The following CD226 variants were observed in gnomAD, a reference collection of about 807,000 sequenced individuals.
CD226 encodes the protein CD226 molecule, also known as CD226 antigen.
Under a neutral mutation model 34.9 loss-of-function variants are expected in CD226, and 24 were observed. The observed-to-expected ratio is 0.69, with a 90% CI of 0.50 to 0.97. CD226 has a LOEUF of 0.97. Ranked by LOEUF, CD226 falls within the 50% of genes least tolerant of loss-of-function variation. The pLI, the probability that CD226 is intolerant of heterozygous loss-of-function variation, is 0.00. For synonymous variants in CD226, 148 were observed against 147.4 expected, an observed-to-expected ratio of 1.00 and a Z score of -0.03; for missense variants, 397 against 412.7, an observed-to-expected ratio of 0.96 and a Z score of 0.33.
intron 2 of CD226, among the ~76,000 whole-genome samples, chr18:69,920,370 G>T (rs1035912012): frequency 3.3e-5 from 5 of 152,048 alleles, no homozygotes; most frequent in Non-Finnish European, 7.4e-5. Context: ...ATCCCCTACT[G>T]CCTTGAAATG....
rs552185917 is a variant in CD226 at position 69,894,962 on chromosome 18, G to C, written c.727+739C>G. 3.6e-4 allele frequency among the ~76,000 whole-genome samples: 55 copies of C among 152,188 alleles called. 2 individuals are homozygous for C. The South Asian group carries it at 0.011, about 30-fold the overall frequency. The stretch of plus-strand genomic sequence containing the variant: ...AAGACAAATGCCTAATATACAAATA[G>C]TGTGGTGCCTTGGAGGAGGCCTTGG... On this transcript the variant is annotated intron_variant, in intron 3 of 5. Transcript: ENST00000582621.
At chr18:69,916,669 C>T (rs557204756) in intron 2 of CD226, among the ~76,000 whole-genome samples, 2 of 152,282 alleles carry the variant, frequency 1.3e-5, no homozygotes, top group East Asian at 3.9e-4. Flanking sequence ...ACTAAATACA[C>T]GGTTCATCCA....
upstream of CD226, among the ~76,000 whole-genome samples, chr18:69,960,203 G>T (rs2055923166): frequency 6.7e-6 from 1 of 150,104 alleles, no homozygotes; most frequent in Non-Finnish European, 1.5e-5. Context: ...TTGTGCCACT[G>T]CACTCCAACC....
intron 3 of CD226, among the ~76,000 whole-genome samples, chr18:69,894,760 G>A (rs889276423): frequency 1.3e-5 from 2 of 151,816 alleles, no homozygotes; most frequent in African/African-American, 4.8e-5. Context: ...GGGAGAGCCT[G>A]GGATGGCCTT....
chr18:69,866,772 G>A (rs1983172908), intron 5 of CD226, among the ~76,000 whole-genome samples: 1 of 152,124 alleles, frequency 6.6e-6, no homozygotes, highest in African/African-American at 2.4e-5. Context: ...ACGCTGTGCT[G>A]GAGAGGGGTG....
chr18:69,872,902 G>A (rs1009006362), intron 4 of CD226, among the ~76,000 whole-genome samples: 2 of 152,136 alleles, frequency 1.3e-5, no homozygotes, highest in Admixed American at 1.3e-4. Flanking sequence ...GACAGGGCAG[G>A]ATAAAGAGCA....
At chr18:69,886,698 C>A (rs1984576785) in intron 3 of CD226, among the ~76,000 whole-genome samples, 1 of 147,114 alleles carries the variant, frequency 6.8e-6, no homozygotes, top group African/African-American at 2.6e-5. Context: ...AGAGTGAGAA[C>A]CTGTCTCAAA....
At chr18:69,946,159 GGT>G (rs1330427478) in intron 2 of CD226, among the ~76,000 whole-genome samples, 18 of 106,900 alleles carry the variant, frequency 1.7e-4, no homozygotes, top group Non-Finnish European at 3.1e-4. Context: ...ACTCCAGCCT[GGT>G]GACAGAGCAA....
intron 3 of CD226, among the ~76,000 whole-genome samples, chr18:69,884,762 T>C (rs775349022): frequency 2.0e-5 from 3 of 152,212 alleles, no homozygotes; most frequent in Non-Finnish European, 2.9e-5. Flanking sequence ...CAATTACCAG[T>C]TGAATCTAGG....
chr18:69,855,540 G>A lies in CD226; in HGVS notation c.*8774C>T, dbSNP rs1982586548. ...AGAAGAAAGAATGGAGCAAAAGAAT[G>A]TTAGAAGTAATAACGTCTGGGAACT... is the stretch of plus-strand genomic sequence containing the variant. On this transcript the variant is annotated 3_prime_UTR_variant, in exon 6 of 6. Transcript: ENST00000582621. 6.6e-6 allele frequency: 1 copy of A among 152,082 alleles called. No individual in the cohort carries two copies. The highest frequency in any genetic ancestry group is 2.4e-5 in the African/African-American group (1 of 41,422). 9.4% of individuals were successfully genotyped at this position (152,082 alleles called of 1,614,324 possible).
At chr18:69,910,684 C>T (rs773920575) in intron 2 of CD226, among the ~76,000 whole-genome samples, 6 of 152,146 alleles carry the variant, frequency 3.9e-5, no homozygotes, top group Non-Finnish European at 5.9e-5. Context: ...ATACTAGTTT[C>T]AGTTTCTTTG....
chr18:69,961,522 G>A (rs1243571806), upstream of CD226: 8 of 152,144 alleles, frequency 5.3e-5, no homozygotes, highest in Non-Finnish European at 1.0e-4. Flanking sequence ...ATATCCCCAT[G>A]AAAGTAAGCA....
chr18:69,923,447 C>T (rs1466133838), intron 2 of CD226, among the ~76,000 whole-genome samples: 1 of 152,068 alleles, frequency 6.6e-6, no homozygotes, highest in East Asian at 1.9e-4. Context: ...CCTGCCTTAC[C>T]CCATCAGCTC....
At chr18:69,956,372 C>T (rs2055897396) in intron 1 of CD226, among the ~76,000 whole-genome samples, 1 of 152,108 alleles carries the variant, frequency 6.6e-6, no homozygotes, top group African/African-American at 2.4e-5. Context: ...GGATCATGGA[C>T]ATTTATTATT....
rs1982639342 is a variant in CD226 at position 69,857,246 on chromosome 18, A to G, written c.*7068T>C. 6.6e-6 allele frequency: 1 copy of G among 152,244 alleles called. No homozygotes were observed. Among genetic ancestry groups the G allele is most frequent in the Admixed American group, 6.5e-5 (1 of 15,286 alleles). 9.4% of individuals were successfully genotyped at this position (152,244 alleles called of 1,614,324 possible). A position where few individuals can be genotyped will look rare whatever the true frequency, so the allele number is the denominator to read the frequency against. On this transcript the variant is annotated 3_prime_UTR_variant, in exon 6 of 6. Coordinates refer to ENST00000582621, the MANE Select transcript of CD226 (RefSeq NM_001303618.2). ...AAAATTACAGAAAGGTTAGAAGAGT[A>G]ATCTCTATCTCTAGAAGCTACTGAG...
At chr18:69,865,505 C>T (rs528754611) in intron 5 of CD226, among the ~76,000 whole-genome samples, 1 of 150,786 alleles carries the variant, frequency 6.6e-6, no homozygotes, top group African/African-American at 2.4e-5. Flanking sequence ...CCCTTTCATT[C>T]CCCAAATTCA....
At chr18:69,923,022 A>G (rs1224045552) in intron 2 of CD226, among the ~76,000 whole-genome samples, 2 of 151,942 alleles carry the variant, frequency 1.3e-5, no homozygotes, top group Non-Finnish European at 2.9e-5. Context: ...AATCCCAGCT[A>G]CTCAGGAGGC....
chr18:69,951,719 G>C (rs1255024361), upstream of CD226, among the ~76,000 whole-genome samples: 3 of 152,194 alleles, frequency 2.0e-5, no homozygotes, highest in Non-Finnish European at 4.4e-5. Context: ...AAAACAGTGT[G>C]GGTATTGGCA....
chr18:69,877,021 G>A (rs1334017886), intron 3 of CD226, among the ~76,000 whole-genome samples: 3 of 151,878 alleles, frequency 2.0e-5, no homozygotes, highest in Non-Finnish European at 4.4e-5. Flanking sequence ...CCGCCACTAC[G>A]TCCAGCTAAT....
Sources: allele counts gnomAD v4.1 joint callset (sites outside exome capture counted in the v4.1 genomes callset), GRCh38; gene constraint gnomAD v4.1.1; transcripts MANE v1.5; gene names NCBI Gene and HGNC (gene_info 2026-07-23, HGNC 2026-07-21).